The following ZHX3 variants were observed in gnomAD, a reference collection of about 807,000 sequenced individuals.
The protein encoded by ZHX3 is zinc fingers and homeoboxes 3.
In ZHX3, 20 loss-of-function variants were observed where a neutral mutation model predicts 64.5. That is an observed-to-expected ratio of 0.31 (90% CI 0.22 to 0.45). ZHX3 has a LOEUF of 0.45. ZHX3 is among the 20% of genes least tolerant of loss of function. The pLI, the probability that ZHX3 is intolerant of heterozygous loss-of-function variation, is 1.00. For synonymous variants in ZHX3, 423 were observed against 461.6 expected (o/e 0.92, Z 1.07); for missense variants, 1,041 against 1,195.8 (o/e 0.87, Z 1.91).
chr20:41,202,503 C>T lies in ZHX3; in HGVS notation c.2414G>A (p.Arg805Gln), dbSNP rs769905258. The T allele has an allele frequency of 8.1e-6, 13 of 1,614,066 alleles. No homozygotes were observed. In the East Asian group the frequency reaches 1.1e-4, roughly 14 times the overall value. ...DSIMAQTGLP[R>Q]PEVVRWFGDS... ...TCCAAACCAGCGCACCACCTCTGGC[C>T]GTGGCAGACCCGTCTGGGCCATGAT... The change falls in exon 3 of 4, where the codon CGG becomes CAG. Residue 805 changes from arginine (R) to glutamine (Q), a missense_variant. Transcript: ENST00000683867. The surrounding 1 kb of genome is among the most constrained non-coding windows in gnomAD (Gnocchi z 7.0).
rs2037430977 is a variant in ZHX3, at chr20:41,195,731, T to G, written c.2860+6326A>C. On this transcript the variant is annotated intron_variant, in intron 3 of 3. Transcript: ENST00000683867. This position sits in a 1 kb window ranked among gnomAD's most constrained non-coding sequence, Gnocchi z 4.2. ...GCGCCCAGCGTAAGTTCTCTTTTAA[T>G]GTATGCATTTACAGCTACAGATTTA... Among the ~76,000 whole-genome samples, 1 of 152,240 alleles carries G rather than the reference T, an allele frequency of 6.6e-6. No individual in the cohort carries two copies. Among genetic ancestry groups the G allele is most frequent in the Non-Finnish European group, 1.5e-5 (1 of 68,044 alleles).
chr20:41,192,934 T>C (rs2037163069), intron 3 of ZHX3, among the ~76,000 whole-genome samples: 2 of 152,230 alleles, frequency 1.3e-5, no homozygotes, highest in Admixed American at 1.3e-4. Context: ...TGTGGACCAC[T>C]GAGGGTCTCT....
chr20:41,235,831 G>A (rs991022771), intron 2 of ZHX3, among the ~76,000 whole-genome samples: 1 of 152,114 alleles, frequency 6.6e-6, no homozygotes, highest in Admixed American at 6.6e-5. Flanking sequence ...AAGTCAAATT[G>A]TCCCTGTTTG....
intron 1 of ZHX3, among the ~76,000 whole-genome samples, chr20:41,280,445 A>C (rs1278387181): frequency 6.6e-6 from 1 of 152,246 alleles, no homozygotes; most frequent in African/African-American, 2.4e-5. Flanking sequence ...AGGAAGCAGA[A>C]AATAATTGTA....
In ZHX3 at chr20:41,212,033, A is replaced by T. The variant is rs2039193988; in HGVS notation, c.-150-6967T>A. Among the ~76,000 whole-genome samples, 2 of 152,360 alleles carry T rather than the reference A, an allele frequency of 1.3e-5. No individual in the cohort carries two copies. Among genetic ancestry groups the T allele is most frequent in the South Asian group, 4.1e-4 (2 of 4,828 alleles). Reference sequence around the variant, plus strand: ...CTGAAAGCACAAACGACAAAAGAAAAAACAGATAAATTGGATGTCATCAAA... The same window carrying T: ...CTGAAAGCACAAACGACAAAAGAAATAACAGATAAATTGGATGTCATCAAA... On this transcript the variant is annotated intron_variant, in intron 2 of 3. Transcript: ENST00000683867. This position sits in a 1 kb window ranked among gnomAD's most constrained non-coding sequence, Gnocchi z 4.3.
At chr20:41,249,503 G>A (rs1178034001) in intron 2 of ZHX3, among the ~76,000 whole-genome samples, 3 of 152,110 alleles carry the variant, frequency 2.0e-5, no homozygotes, top group Non-Finnish European at 2.9e-5. Context: ...CCAAGCAAGC[G>A]GAAGGCAGAT....
At chr20:41,286,466 G>A (rs6029611) in intron 1 of ZHX3, among the ~76,000 whole-genome samples, 27,780 of 152,062 alleles carry the variant, frequency 0.18, 4,237 homozygotes, top group African/African-American at 0.42. Context: ...TGCTGCTGTC[G>A]AAAAGTCTTC....
chr20:41,269,802 A>G (rs1167864890), intron 1 of ZHX3, among the ~76,000 whole-genome samples: 12 of 151,914 alleles, frequency 7.9e-5, no homozygotes, highest in Admixed American at 6.6e-4. Context: ...ACGTGTAGGC[A>G]TTGTACACTA....
intron 3 of ZHX3, chr20:41,196,527 T>TAAATATTATATATAATATATATTTATATA (rs2037681937): frequency 1.5e-5 from 1 of 68,912 alleles, no homozygotes; most frequent in African/African-American, 6.4e-5. Flanking sequence ...ATATATTATA[T>TAAATATTATATATAATATATATTTATATA]ATTATATAAA....
intron 1 of ZHX3, among the ~76,000 whole-genome samples, chr20:41,276,740 G>A (rs2043402222): frequency 6.6e-6 from 1 of 152,190 alleles, no homozygotes; most frequent in South Asian, 2.1e-4. Flanking sequence ...CAGGGCAAGT[G>A]CTTGCTTCAC....
chr20:41,262,053 C>A (rs1352733112), intron 2 of ZHX3, among the ~76,000 whole-genome samples: 1 of 152,196 alleles, frequency 6.6e-6, no homozygotes, highest in African/African-American at 2.4e-5. Flanking sequence ...TGCCCTAATT[C>A]CCAATCTCCA....
At chr20:41,294,825 C>T (rs1009373817) in intron 1 of ZHX3, among the ~76,000 whole-genome samples, 1 of 152,128 alleles carries the variant, frequency 6.6e-6, no homozygotes, top group Non-Finnish European at 1.5e-5. Flanking sequence ...CCTCCCACCT[C>T]AGCCAGACCA....
intron 3 of ZHX3, among the ~76,000 whole-genome samples, chr20:41,188,202 A>G (rs1406166467): frequency 6.6e-6 from 1 of 152,132 alleles, no homozygotes; most frequent in East Asian, 1.9e-4. Context: ...ATTCCAATGA[A>G]CATAATGACC....
rs535438898 is a variant in ZHX3, at chr20:41,284,540, T to G, written c.-244-15457A>C. On this transcript the variant is annotated intron_variant, in intron 1 of 3. Transcript: ENST00000683867. ...TTCACCAGTATCCAACAATGGCCAG[T>G]TCTCCACTTCCTAAATCTTCAATCT... is the stretch of plus-strand genomic sequence containing the variant. 9.2e-5 allele frequency among the ~76,000 whole-genome samples: 14 copies of G among 152,310 alleles called. No individual in the cohort carries two copies. The East Asian group carries it at 2.7e-3, about 29-fold the overall frequency.
chr20:41,192,584 C>T (rs1432635329), intron 3 of ZHX3, among the ~76,000 whole-genome samples: 2 of 152,240 alleles, frequency 1.3e-5, no homozygotes, highest in Admixed American at 1.3e-4. Context: ...ACCTCAGCCA[C>T]AACAACAGGA....
chr20:41,247,097 C>G (rs978568059), intron 2 of ZHX3, among the ~76,000 whole-genome samples: 1 of 151,928 alleles, frequency 6.6e-6, no homozygotes, highest in Non-Finnish European at 1.5e-5. Context: ...CTTGTCTCTA[C>G]AAAAATACAA....
chr20:41,254,433 C>G (rs2042136044), intron 2 of ZHX3, among the ~76,000 whole-genome samples: 1 of 152,254 alleles, frequency 6.6e-6, no homozygotes, highest in East Asian at 1.9e-4. Context: ...GCCTGCCACA[C>G]AGTTGGTGTT....
At chr20:41,245,227 T>C (rs1279677567) in intron 2 of ZHX3, among the ~76,000 whole-genome samples, 2 of 152,188 alleles carry the variant, frequency 1.3e-5, no homozygotes, top group Non-Finnish European at 2.9e-5. Context: ...CTCCTTTCTA[T>C]AGAGAAGGAA....
intron 1 of ZHX3, chr20:41,300,037 A>G (rs956192124): frequency 6.6e-6 from 1 of 152,182 alleles, no homozygotes; most frequent in East Asian, 1.9e-4. Context: ...AGCAGGAGAG[A>G]AGGATATAAA....
Sources: allele counts gnomAD v4.1 joint callset (sites outside exome capture counted in the v4.1 genomes callset), GRCh38; gene constraint gnomAD v4.1.1; non-coding constraint Gnocchi (gnomAD v3.1); transcripts MANE v1.5; gene names NCBI Gene and HGNC (gene_info 2026-07-23, HGNC 2026-07-21).